Variants in TRAPPC9 observed in about 807,000 individuals in gnomAD.
TRAPPC9 encodes the protein trafficking protein particle complex subunit 9, also known as IKK2 binding protein.
A neutral mutation model predicts 124.0 loss-of-function variants in TRAPPC9; 83 were observed. The observed-to-expected ratio is 0.67, with a 90% CI of 0.56 to 0.80. The LOEUF is 0.80. Among genes scored for constraint, TRAPPC9 ranks in the 30% least tolerant of loss-of-function variants. The pLI is 0.00. For missense variants in TRAPPC9, 1,302 were observed against 1,508.3 expected (o/e 0.86, Z 2.27); for synonymous variants, 638 against 617.5 (o/e 1.03, Z -0.49).
chr8:140,221,356 CAT>C, intron 17 of TRAPPC9, 101 bp downstream of exon 17: 2 of 1,519,648 alleles, frequency 1.3e-6, no homozygotes, highest in Non-Finnish European at 1.8e-6. Context: ...TTCAAATACA[CAT>C]AGCCTTTCCT....
chr8:139,986,327 C>T (rs1837237972), intron 19 of TRAPPC9, among the ~76,000 whole-genome samples: 1 of 151,974 alleles, frequency 6.6e-6, no homozygotes, highest in East Asian at 1.9e-4. Flanking sequence ...AGTAGTAAAA[C>T]ATGGATGTGG....
intron 2 of TRAPPC9, among the ~76,000 whole-genome samples, chr8:140,439,565 C>G (rs576398514): frequency 2.4e-4 from 36 of 152,264 alleles, no homozygotes; most frequent in African/African-American, 8.4e-4. Flanking sequence ...AACATCAAAC[C>G]TCTTATTATT....
chr8:140,290,913 C>T, intron 12 of TRAPPC9, 80 bp downstream of exon 12: 1 of 1,105,704 alleles, frequency 9.0e-7, no homozygotes, highest in Non-Finnish European at 1.4e-6. Flanking sequence ...AAGATGTGTG[C>T]CTCAGACATT....
intron 20 of TRAPPC9, among the ~76,000 whole-genome samples, chr8:139,899,788 C>T (rs762303670): frequency 1.3e-5 from 2 of 152,144 alleles, no homozygotes; most frequent in Non-Finnish European, 2.9e-5. Flanking sequence ...AGAATCCTGT[C>T]CCTAGTTGGC....
intron 19 of TRAPPC9, among the ~76,000 whole-genome samples, chr8:139,964,437 G>T (rs548773682): frequency 1.3e-5 from 2 of 152,106 alleles, no homozygotes; most frequent in Admixed American, 6.5e-5. Context: ...AGAATCCTCC[G>T]CCTTGGAGAA....
chr8:139,793,045 G>A (rs973188917), intron 21 of TRAPPC9, among the ~76,000 whole-genome samples: 4 of 152,140 alleles, frequency 2.6e-5, no homozygotes, highest in Non-Finnish European at 4.4e-5. Context: ...ACTGAGATGC[G>A]CACCCAGCCA....
At chr8:139,754,379 G>A (rs1223207866) in intron 21 of TRAPPC9, among the ~76,000 whole-genome samples, 1 of 152,230 alleles carries the variant, frequency 6.6e-6, no homozygotes, top group African/African-American at 2.4e-5. Context: ...CAGCTGGTCT[G>A]AAAAGGTGCC....
At chr8:140,003,968 G>A (rs945829577) in intron 18 of TRAPPC9, among the ~76,000 whole-genome samples, 1 of 152,208 alleles carries the variant, frequency 6.6e-6, no homozygotes, top group Admixed American at 6.5e-5. Flanking sequence ...ACAGTGAATG[G>A]ATCCACAGGC....
intron 21 of TRAPPC9, among the ~76,000 whole-genome samples, chr8:139,836,448 G>GC (rs111259680): frequency 0.21 from 31,659 of 151,830 alleles, 4,515 homozygotes; most frequent in African/African-American, 0.39. Flanking sequence ...ATGGGAAGCC[G>GC]CTGGGGGGAC....
At chr8:139,817,414 A>G (rs565478771) in intron 21 of TRAPPC9, among the ~76,000 whole-genome samples, 6 of 152,280 alleles carry the variant, frequency 3.9e-5, no homozygotes, top group Admixed American at 3.9e-4. Flanking sequence ...TGAGAAGTTG[A>G]TAGACTACCG....
intron 19 of TRAPPC9, among the ~76,000 whole-genome samples, chr8:139,926,381 C>A (rs1015290646): frequency 6.6e-6 from 1 of 152,132 alleles, no homozygotes; most frequent in South Asian, 2.1e-4. Flanking sequence ...GGGAAACTGA[C>A]AACAGGAACG....
At chr8:139,800,792 CGT>C (rs1823449457) in intron 21 of TRAPPC9, among the ~76,000 whole-genome samples, 1 of 151,650 alleles carries the variant, frequency 6.6e-6, no homozygotes, top group African/African-American at 2.4e-5. Context: ...ACCTTCCCTC[CGT>C]CCGGTATCTT....
intron 16 of TRAPPC9, among the ~76,000 whole-genome samples, chr8:140,243,882 A>G (rs1257574803): frequency 2.0e-5 from 3 of 152,240 alleles, no homozygotes; most frequent in African/African-American, 7.2e-5. Flanking sequence ...GTGGCCTGTT[A>G]GGAACTGAGC....
chr8:140,130,231 C>A (rs918421576), intron 17 of TRAPPC9, among the ~76,000 whole-genome samples: 1 of 151,282 alleles, frequency 6.6e-6, no homozygotes, highest in African/African-American at 2.4e-5. Flanking sequence ...ATGCACAGAC[C>A]GGAAGGCTGA....
intron 16 of TRAPPC9, among the ~76,000 whole-genome samples, chr8:140,246,343 T>C (rs2063987848): frequency 6.6e-6 from 1 of 152,202 alleles, no homozygotes; most frequent in Non-Finnish European, 1.5e-5. Context: ...GAAAGTGTGT[T>C]TCAAGACCAG....
At chr8:139,973,165 T>C (rs1277143872) in intron 19 of TRAPPC9, among the ~76,000 whole-genome samples, 1 of 152,222 alleles carries the variant, frequency 6.6e-6, no homozygotes, top group African/African-American at 2.4e-5. Context: ...GTTTAGCAAG[T>C]CCTTGTCATG....
At chr8:140,052,014 C>T (rs1472358235) in intron 17 of TRAPPC9, among the ~76,000 whole-genome samples, 1 of 152,130 alleles carries the variant, frequency 6.6e-6, no homozygotes, top group African/African-American at 2.4e-5. Context: ...AGCTTCTCTC[C>T]AGCACCAGTA....
chr8:140,371,279 G>T, intron 7 of TRAPPC9, 99 bp from the exon 8 acceptor site: 9 of 1,190,966 alleles, frequency 7.6e-6, no homozygotes, highest in Admixed American at 2.0e-5. Context: ...AAAGACCTGA[G>T]GAGAATCGAG....
At chr8:140,029,935 G>C (rs1239431097) in intron 17 of TRAPPC9, among the ~76,000 whole-genome samples, 1 of 151,880 alleles carries the variant, frequency 6.6e-6, no homozygotes, top group Non-Finnish European at 1.5e-5. Context: ...ATATAAAATG[G>C]GTAATACATC....
Sources: gnomAD v4.1 joint callset for allele counts (sites outside exome capture counted in the v4.1 genomes callset) on GRCh38, gnomAD v4.1.1 for gene constraint, MANE v1.5 for transcripts, NCBI Gene and HGNC (gene_info 2026-07-23, HGNC 2026-07-21) for gene names.